Variants in ARNT2 observed in about 807,000 individuals in gnomAD.
ARNT2 encodes the protein ARNT protein 2.
A neutral mutation model predicts 91.7 loss-of-function variants in ARNT2; 36 were observed. The ratio of observed to expected loss-of-function variants is 0.39; its 90% CI spans 0.30 to 0.52. The LOEUF is 0.52. ARNT2 is among the 20% of genes least tolerant of loss of function. ARNT2 has a pLI of 0.72. For missense variants in ARNT2, 775 were observed against 939.3 expected, an observed-to-expected ratio of 0.83 and a Z score of 2.29; for synonymous variants, 365 against 347.1, an observed-to-expected ratio of 1.05 and a Z score of -0.57.
At chr15:80,538,312 A>G (rs1329148844) in intron 8 of ARNT2, among the ~76,000 whole-genome samples, 2 of 152,216 alleles carry the variant, frequency 1.3e-5, no homozygotes, top group South Asian at 2.1e-4. Flanking sequence ...TTCCACATGC[A>G]TAGATATTCA....
intron 1 of ARNT2, among the ~76,000 whole-genome samples, chr15:80,418,776 C>T (rs1895821450): frequency 6.6e-6 from 1 of 152,246 alleles, no homozygotes; most frequent in South Asian, 2.1e-4. Context: ...TGCTGGGCCT[C>T]AGGCTGAGTC....
At chr15:80,513,074 A>G (rs138570462) in intron 6 of ARNT2, among the ~76,000 whole-genome samples, 245 of 152,364 alleles carry the variant, frequency 1.6e-3, no homozygotes, top group African/African-American at 5.7e-3. Context: ...GAGTATAACT[A>G]GACTCTTATC....
Position 80,514,352 on chromosome 15 carries a change from C to T in ARNT2, c.824C>T (p.Ala275Val), listed in dbSNP as rs762823371. The change falls in exon 8 of 19, where the codon GCC becomes GTC. Residue 275 changes from alanine to valine, a missense_variant. This residue lies in a region of ARNT2 where 285 missense variants were observed against 327.2 expected (regional missense o/e 0.87). Transcript: ENST00000303329. ...CTTGGCCCTGTGAAAGAAGGAGAAG[C>T]CCAATATGCTGTGGTCCACTGTACA... ...NGLGPVKEGEAQYAVVHCTGY... is the reference protein window; with the variant it reads ...NGLGPVKEGEVQYAVVHCTGY... 4.6e-5 allele frequency: 75 copies of T among 1,614,048 alleles called. No individual in the cohort carries two copies. Among genetic ancestry groups the T allele is most frequent in the Non-Finnish European group, 5.9e-5 (70 of 1,180,032 alleles).
chr15:80,419,356 T>C (rs1895830357), intron 1 of ARNT2, among the ~76,000 whole-genome samples: 1 of 152,212 alleles, frequency 6.6e-6, no homozygotes, highest in African/African-American at 2.4e-5. Context: ...ACTCACCTGG[T>C]TCAGGATGGC....
At chr15:80,499,337 G>A (rs75164214) in intron 5 of ARNT2, among the ~76,000 whole-genome samples, 3,090 of 152,020 alleles carry the variant, frequency 0.02, 98 homozygotes, top group African/African-American at 0.07. Flanking sequence ...CATGTAAAAC[G>A]TTTCAGAATA....
chr15:80,581,315 C>G lies in ARNT2; in HGVS notation c.1829C>G (p.Pro610Arg), dbSNP rs770114855. The stretch of plus-strand genomic sequence containing the variant: ...ACGAGCCACACCTACCCGGCAGACC[C>G]CTCTTCCTACAGCCCCCTCTCCAGC... The part of the protein sequence containing the change: ...IGTSHTYPAD[P>R]SSYSPLSSPA... The change falls in exon 17 of 19, where the codon CCC becomes CGC. Residue 610 changes from proline (P) to arginine (R), a missense_variant. Coordinates refer to ENST00000303329, the MANE Select transcript of ARNT2 (RefSeq NM_014862.4). The G allele has an allele frequency of 1.2e-6, 2 of 1,614,192 alleles. No individual in the cohort carries two copies. Among genetic ancestry groups the G allele is most frequent in the East Asian group, 2.2e-5 (1 of 44,886 alleles).
In ARNT2 at chr15:80,552,777, G is replaced by A. The variant is rs1898105273; in HGVS notation, c.1089+3G>A. The stretch of plus-strand genomic sequence containing the variant: ...GTGTGATTGGCTACCAACCCCAGGT[G>A]AGTAGATAGTTTTGAGCCTATGGCA... On this transcript the variant is annotated splice_donor_region_variant and intron_variant, in intron 10 of 18. Coordinates refer to ENST00000303329, the MANE Select transcript of ARNT2 (RefSeq NM_014862.4). 6.2e-7 allele frequency: 1 copy of A among 1,613,654 alleles called. No homozygotes were observed. Among genetic ancestry groups the A allele is most frequent in the South Asian group, 1.1e-5 (1 of 90,942 alleles).
chr15:80,508,675 T>C (rs773406782), intron 6 of ARNT2, among the ~76,000 whole-genome samples: 6 of 152,230 alleles, frequency 3.9e-5, no homozygotes, highest in Non-Finnish European at 4.4e-5. Context: ...CTCTATGATA[T>C]TGTTGATTGA....
At chr15:80,565,733 T>A (rs2141470006) in intron 12 of ARNT2, among the ~76,000 whole-genome samples, 1 of 152,308 alleles carries the variant, frequency 6.6e-6, no homozygotes, top group Admixed American at 6.5e-5. Flanking sequence ...GGGATTTGTT[T>A]TTTTCTCATT....
intron 12 of ARNT2, among the ~76,000 whole-genome samples, chr15:80,572,255 C>T (rs1373362559): frequency 2.0e-5 from 3 of 152,128 alleles, no homozygotes; most frequent in Non-Finnish European, 4.4e-5. Context: ...CTTCCTTCCA[C>T]GGTGGCCACA....
intron 12 of ARNT2, among the ~76,000 whole-genome samples, chr15:80,570,115 A>C (rs1199940210): frequency 6.6e-6 from 1 of 152,242 alleles, no homozygotes; most frequent in Non-Finnish European, 1.5e-5. Flanking sequence ...AGCCTAGGCC[A>C]GAGTAAAAAG....
intron 8 of ARNT2, among the ~76,000 whole-genome samples, chr15:80,547,405 GA>G (rs1469811160): frequency 1.3e-5 from 2 of 152,180 alleles, no homozygotes; most frequent in Non-Finnish European, 2.9e-5. Flanking sequence ...TAAAAATTAT[GA>G]GTTGTATTAA....
At chr15:80,560,157 A>T (rs970183254) in intron 11 of ARNT2, 2 of 152,196 alleles carry the variant, frequency 1.3e-5, no homozygotes, top group Non-Finnish European at 2.9e-5. Context: ...ATGGCATTTC[A>T]TCTTGTGTTT....
intron 5 of ARNT2, among the ~76,000 whole-genome samples, chr15:80,479,878 G>A (rs1230493069): frequency 1.3e-5 from 2 of 152,130 alleles, no homozygotes; most frequent in Non-Finnish European, 2.9e-5. Flanking sequence ...CACCACCCAA[G>A]GCACTTGGAT....
Position 80,503,737 on chromosome 15 carries a change from C to T in ARNT2, c.623-4419C>T, listed in dbSNP as rs527509363. ...AGACAGCGCAGAATCAGCAGACGCCCAGGACCTCCCCTGCACAGGCTGCGC... is the reference window on the plus strand; with the variant it reads ...AGACAGCGCAGAATCAGCAGACGCCTAGGACCTCCCCTGCACAGGCTGCGC... On this transcript the variant is annotated intron_variant, in intron 5 of 18. Coordinates refer to ENST00000303329, the MANE Select transcript of ARNT2 (RefSeq NM_014862.4). Among the ~76,000 whole-genome samples the T allele has an allele frequency of 9.4e-4, 143 of 152,372 alleles. 1 individual carries two copies. The highest frequency in any genetic ancestry group is 3.3e-3 in the African/African-American group (139 of 41,590).
intron 16 of ARNT2, among the ~76,000 whole-genome samples, chr15:80,580,846 A>C (rs1596024318): frequency 6.6e-6 from 1 of 152,056 alleles, no homozygotes; most frequent in Non-Finnish European, 1.5e-5. Flanking sequence ...ACTACTCTGG[A>C]CCTCTGGCTG....
chr15:80,481,804 G>T (rs1735141986), intron 5 of ARNT2, among the ~76,000 whole-genome samples: 1 of 152,178 alleles, frequency 6.6e-6, no homozygotes, highest in African/African-American at 2.4e-5. Flanking sequence ...TCACTACATT[G>T]CCTAGGTTGT....
chr15:80,445,937 A>G (rs561963044), intron 1 of ARNT2, among the ~76,000 whole-genome samples: 7 of 152,182 alleles, frequency 4.6e-5, no homozygotes, highest in Admixed American at 2.0e-4. Flanking sequence ...AGAACCAGAA[A>G]AGCAACATTA....
intron 4 of ARNT2, among the ~76,000 whole-genome samples, chr15:80,470,844 G>T (rs1026594919): frequency 6.6e-6 from 1 of 152,214 alleles, no homozygotes; most frequent in African/African-American, 2.4e-5. Flanking sequence ...TCTCACTCCA[G>T]TCAGAATGGC....
Sources: gnomAD v4.1 joint callset for allele counts (sites outside exome capture counted in the v4.1 genomes callset) on GRCh38, gnomAD v4.1.1 for gene constraint, gnomAD v4.1.1 regional missense constraint, MANE v1.5 for transcripts, NCBI Gene and HGNC (gene_info 2026-07-23, HGNC 2026-07-21) for gene names.